The following MTA3 variants were observed in gnomAD, a reference collection of about 807,000 sequenced individuals.
MTA3 encodes metastasis associated 1 family member 3.
A neutral mutation model predicts 83.5 loss-of-function variants in MTA3; 34 were observed. That is an observed-to-expected ratio of 0.41 (90% CI 0.31 to 0.54). MTA3 has a LOEUF of 0.54. MTA3 is among the 20% of genes least tolerant of loss of function. MTA3 has a pLI of 0.33. For synonymous variants in MTA3, 303 were observed against 252.7 expected, an observed-to-expected ratio of 1.20 and a Z score of -1.89; for missense variants, 761 against 726.4, an observed-to-expected ratio of 1.05 and a Z score of -0.55.
intron 8 of MTA3, among the ~76,000 whole-genome samples, chr2:42,667,438 C>T (rs1381873284): frequency 2.0e-5 from 3 of 152,086 alleles, no homozygotes; most frequent in Admixed American, 6.6e-5. Context: ...CACTACCCTT[C>T]TACTTTTGTC....
chr2:42,677,827 T>C (rs891638598), intron 8 of MTA3, among the ~76,000 whole-genome samples: 3 of 152,214 alleles, frequency 2.0e-5, no homozygotes, highest in Admixed American at 1.3e-4. Flanking sequence ...AGGTTTGTCT[T>C]GATCAGCAGT....
chr2:42,536,906 A>G (rs1436681551), intron 2 of MTA3, among the ~76,000 whole-genome samples: 3 of 150,398 alleles, frequency 2.0e-5, no homozygotes, highest in Non-Finnish European at 2.9e-5. Flanking sequence ...CTCATGTCCC[A>G]TGTTTGACCC....
chr2:42,646,059 A>G (rs768583492), intron 6 of MTA3, among the ~76,000 whole-genome samples: 1 of 152,228 alleles, frequency 6.6e-6, no homozygotes, highest in Non-Finnish European at 1.5e-5. Context: ...TAAGAATTAC[A>G]CTAAATCTGC....
upstream of MTA3, among the ~76,000 whole-genome samples, chr2:42,564,350 G>A (rs903846240): frequency 2.0e-5 from 3 of 152,174 alleles, no homozygotes; most frequent in Non-Finnish European, 4.4e-5. Flanking sequence ...CATACTGCCC[G>A]AAACCAAGAC....
At chr2:42,621,008 T>G (rs914244214) in intron 4 of MTA3, among the ~76,000 whole-genome samples, 5 of 152,156 alleles carry the variant, frequency 3.3e-5, no homozygotes, top group African/African-American at 9.7e-5. Context: ...TAGACATACA[T>G]CAAAACATCA....
intron 6 of MTA3, among the ~76,000 whole-genome samples, chr2:42,653,663 A>G (rs1427432417): frequency 6.6e-6 from 1 of 152,132 alleles, no homozygotes; most frequent in Non-Finnish European, 1.5e-5. Flanking sequence ...TGCTTTCAAG[A>G]GTGTTTTATT....
intron 3 of MTA3, among the ~76,000 whole-genome samples, chr2:42,582,317 C>G (rs900510997): frequency 2.0e-5 from 3 of 152,172 alleles, no homozygotes; most frequent in Non-Finnish European, 2.9e-5. Flanking sequence ...CTTGGCCTCC[C>G]AAAGTGCTGG....
At chr2:42,508,793 TTAAA>T (rs1212866130) in intron 2 of MTA3, among the ~76,000 whole-genome samples, 3 of 146,986 alleles carry the variant, frequency 2.0e-5, no homozygotes, top group East Asian at 1.9e-4. Flanking sequence ...ATATCATAGA[TTAAA>T]TATATTGTAA....
intron 4 of MTA3, among the ~76,000 whole-genome samples, chr2:42,623,369 G>A (rs1449265909): frequency 6.6e-6 from 1 of 152,128 alleles, no homozygotes; most frequent in Non-Finnish European, 1.5e-5. Context: ...TTATAAAAGG[G>A]AATGGTTTTT....
intron 3 of MTA3, among the ~76,000 whole-genome samples, chr2:42,599,468 C>T (rs147059001): frequency 1.1e-4 from 17 of 151,820 alleles, no homozygotes; most frequent in African/African-American, 3.6e-4. Context: ...TGGTGGCGGG[C>T]GCCTCCAGCT....
In MTA3 at chr2:42,502,181, A is replaced by T. The variant is rs571183813; in HGVS notation, c.-141+6927A>T. ...GGGGTGGCCAACAGGTCATAAATGG[A>T]TTCAAAGATTTCCTGATTTGCAATT... On this transcript the variant is annotated intron_variant, in intron 2 of 17. Coordinates refer to the MTA3 transcript ENST00000405592. 9.9e-5 allele frequency among the ~76,000 whole-genome samples: 15 copies of T among 152,184 alleles called. No individual in the cohort carries two copies. In the East Asian group the frequency reaches 2.9e-3, roughly 29 times the overall value.
At chr2:42,686,020 A>G (rs1270732286) in intron 9 of MTA3, among the ~76,000 whole-genome samples, 2 of 152,194 alleles carry the variant, frequency 1.3e-5, no homozygotes, top group East Asian at 3.8e-4. Context: ...AGTGTATGCA[A>G]CAAAAAGTCT....
At chr2:42,706,053 T>C (rs969312687) in intron 12 of MTA3, among the ~76,000 whole-genome samples, 1 of 152,192 alleles carries the variant, frequency 6.6e-6, no homozygotes, top group African/African-American at 2.4e-5. Flanking sequence ...AATTTTATAT[T>C]TAGAATTCAA....
Position 42,589,752 on chromosome 2 carries a change from A to G in MTA3, c.190+10552A>G, listed in dbSNP as rs373216032. Among the ~76,000 whole-genome samples the G allele has an allele frequency of 2.6e-5, 4 of 152,260 alleles. No homozygotes were observed. In the East Asian group the frequency reaches 5.8e-4, roughly 22 times the overall value. Reference sequence around the variant, plus strand: ...ATTTTCAGTAGAGACAAGTTTCACCATGTTGCCCAGGCTGAAGTATGTATA... The same window carrying G: ...ATTTTCAGTAGAGACAAGTTTCACCGTGTTGCCCAGGCTGAAGTATGTATA... On this transcript the variant is annotated intron_variant, in intron 3 of 16. Coordinates refer to ENST00000405094, the MANE Select transcript of MTA3 (RefSeq NM_001330442.2).
chr2:42,717,939 G>A (rs1667142544), intron 14 of MTA3, among the ~76,000 whole-genome samples: 2 of 151,976 alleles, frequency 1.3e-5, no homozygotes, highest in African/African-American at 2.4e-5. Context: ...GCTTTACGGC[G>A]ATTATTTCTG....
chr2:42,673,452 C>A (rs1211767311), intron 8 of MTA3, among the ~76,000 whole-genome samples: 5 of 152,092 alleles, frequency 3.3e-5, no homozygotes, highest in Non-Finnish European at 5.9e-5. Flanking sequence ...ATATTTTCAA[C>A]CTATGATGAG....
intron 3 of MTA3, among the ~76,000 whole-genome samples, chr2:42,606,578 C>G (rs1312309720): frequency 7.1e-6 from 1 of 140,296 alleles, no homozygotes; most frequent in African/African-American, 2.7e-5. Context: ...CGGGCGGAGA[C>G]GCTCCTCACT....
At chr2:42,646,245 C>G (rs1355333185) in intron 6 of MTA3, among the ~76,000 whole-genome samples, 3 of 152,204 alleles carry the variant, frequency 2.0e-5, no homozygotes, top group Non-Finnish European at 2.9e-5. Context: ...CACCCAAGAG[C>G]TCTGATGGGG....
In MTA3 at chr2:42,719,951, C is replaced by G. The variant is rs140834214; in HGVS notation, c.1612+877C>G. Among the ~76,000 whole-genome samples, 607 of 152,194 alleles carry G rather than the reference C, an allele frequency of 4.0e-3. 4 individuals are homozygous for G. The highest frequency in any genetic ancestry group is 0.013 in the African/African-American group (529 of 41,544). On this transcript the variant is annotated intron_variant, in intron 15 of 16. Coordinates refer to ENST00000405094, the MANE Select transcript of MTA3 (RefSeq NM_001330442.2). ...TTTTGTGCTTCTCATAGTTCTTTTT[C>G]AGTAAAGTGAAATATGTACTCAGAG...
Sources: gnomAD v4.1 joint callset for allele counts (sites outside exome capture counted in the v4.1 genomes callset) on GRCh38, gnomAD v4.1.1 for gene constraint, MANE v1.5 for transcripts, NCBI Gene and HGNC (gene_info 2026-07-23, HGNC 2026-07-21) for gene names.